Variants in GLP1R observed in about 807,000 individuals in gnomAD.
GLP1R encodes the protein glucagon like peptide 1 receptor, also known as glucagon-like peptide 1 receptor.
A neutral mutation model predicts 68.4 loss-of-function variants in GLP1R; 32 were observed. That is an observed-to-expected ratio of 0.47 (90% CI 0.35 to 0.63). The LOEUF (loss-of-function observed/expected upper bound fraction) is 0.63, where lower values mean the gene tolerates loss of function less well. GLP1R is among the 20% of genes least tolerant of loss of function. The pLI, the probability that GLP1R is intolerant of heterozygous loss-of-function variation, is 0.00. For missense variants in GLP1R, 502 were observed against 594.9 expected (o/e 0.84, Z 1.62); for synonymous variants, 263 against 244.4 (o/e 1.08, Z -0.71).
chr6:39,065,957 G>A (rs141072702), intron 4 of GLP1R, 128 bp downstream of exon 4: 2 of 662,600 alleles, frequency 3.0e-6, no homozygotes, highest in African/African-American at 1.8e-5. Context: ...GCCTCTGGGG[G>A]CTTTGCACAC....
At chr6:39,085,517 G>A (rs1180303101) in intron 12 of GLP1R, among the ~76,000 whole-genome samples, 4 of 152,208 alleles carry the variant, frequency 2.6e-5, no homozygotes, top group Admixed American at 6.5e-5. Flanking sequence ...AAGCATCCAA[G>A]CTGAAACTGG....
chr6:39,066,086 C>T (rs76911398), intron 4 of GLP1R, 111 bp from the exon 5 acceptor site: 80 of 643,922 alleles, frequency 1.2e-4, no homozygotes, highest in East Asian at 1.2e-3. Flanking sequence ...TTGGTATCCC[C>T]GGTGAGTCCT....
intron 2 of GLP1R, 116 bp downstream of exon 2, chr6:39,056,609 C>G: frequency 1.7e-6 from 1 of 601,890 alleles, no homozygotes; most frequent in Non-Finnish European, 3.1e-6. Context: ...GATGCCACCC[C>G]TGCCCTCTGC....
chr6:39,087,619 A>G lies in GLP1R; in HGVS notation c.*1546A>G. 6.6e-6 allele frequency: 1 copy of G among 152,154 alleles called. No individual in the cohort carries two copies. Among genetic ancestry groups the G allele is most frequent in the East Asian group, 1.9e-4 (1 of 5,196 alleles). The allele number at this position is 152,154 out of a possible 1,614,324, so 9.4% of individuals were successfully genotyped here. On this transcript the variant is annotated 3_prime_UTR_variant, in exon 13 of 13. Transcript: ENST00000373256. ...GAGTCAGTCTCTCTCTCCCTTTTAA[A>G]TGGTGGGAACCCTCCCCAAAACCTT...
In GLP1R at chr6:39,057,449, G is replaced by C. The variant is rs1251945095; in HGVS notation, c.176-23G>C. ...ATGGCCAGTCACAAGCAGGGACTCA[G>C]AGACTGTTCTTTCTGCTCCCAGACT... On this transcript the variant is annotated intron_variant, in intron 2 of 12. Coordinates refer to ENST00000373256, the MANE Select transcript of GLP1R (RefSeq NM_002062.5). 3 of 1,508,412 alleles carry C rather than the reference G, an allele frequency of 2.0e-6. No homozygotes were observed. In the African/African-American group the frequency reaches 4.1e-5, roughly 21 times the overall value. 93.4% of individuals were successfully genotyped at this position (1,508,412 alleles called of 1,614,324 possible).
rs981744221 is a variant in GLP1R at position 39,057,370 on chromosome 6, T to C, written c.176-102T>C. 1.8e-5 allele frequency: 13 copies of C among 733,880 alleles called. No homozygotes were observed. In the African/African-American group the frequency reaches 2.1e-4, roughly 12 times the overall value. 45.5% of individuals were successfully genotyped at this position (733,880 alleles called of 1,614,324 possible). A position where few individuals can be genotyped will look rare whatever the true frequency, so the allele number is the denominator to read the frequency against. On this transcript the variant is annotated intron_variant, in intron 2 of 12. Transcript: ENST00000373256. ...ACAGTAAGCATTCAGCAGAGGTTAGTGGCATGCAGCCTCCGAGGAGGGGAG... is the reference window on the plus strand; with the variant it reads ...ACAGTAAGCATTCAGCAGAGGTTAGCGGCATGCAGCCTCCGAGGAGGGGAG...
At chr6:39,062,732 C>T (rs772797276) in intron 3 of GLP1R, among the ~76,000 whole-genome samples, 15 of 152,212 alleles carry the variant, frequency 9.9e-5, no homozygotes, top group South Asian at 2.1e-4. Flanking sequence ...TTGGGACCTC[C>T]GGAGGCAAAG....
At chr6:39,078,814 G>T in intron 8 of GLP1R, 143 bp from the exon 9 acceptor site, 2 of 726,728 alleles carry the variant, frequency 2.8e-6, no homozygotes, top group South Asian at 3.2e-5. Context: ...TGGGTCCATG[G>T]GACTGGTTTT....
chr6:39,066,795 T>A (rs917184305), intron 5 of GLP1R, among the ~76,000 whole-genome samples: 13 of 152,066 alleles, frequency 8.5e-5, no homozygotes, highest in Non-Finnish European at 1.3e-4. Flanking sequence ...GAGTACCAGG[T>A]TCTTCCCACT....
Position 39,072,883 on chromosome 6 carries a change from C to T in GLP1R, c.531C>T (p.Asn177=). Residue 177 remains asparagine, a synonymous_variant, in exon 6 of 13, where the codon AAC becomes AAT. Coordinates refer to ENST00000373256, the MANE Select transcript of GLP1R (RefSeq NM_002062.5). The part of the protein sequence containing the change: ...LGFRHLHCTR[N]YIHLNLFASF... ...TCAGACACCTGCACTGCACCAGGAACTACATCCACCTGAACCTGTTTGCAT... is the reference window on the plus strand; with the variant it reads ...TCAGACACCTGCACTGCACCAGGAATTACATCCACCTGAACCTGTTTGCAT... 6.2e-7 allele frequency: 1 copy of T among 1,614,142 alleles called. No individual in the cohort carries two copies. The highest frequency in any genetic ancestry group is 8.5e-7 in the Non-Finnish European group (1 of 1,179,972).
intron 7 of GLP1R, among the ~76,000 whole-genome samples, chr6:39,074,824 C>T (rs896229572): frequency 1.3e-5 from 2 of 152,200 alleles, no homozygotes; most frequent in African/African-American, 2.4e-5. Context: ...AGGAAGCTGC[C>T]TCAGGCCACC....
chr6:39,073,515 A>G (rs920934114), intron 6 of GLP1R, 95 bp from the exon 7 acceptor site: 5 of 1,075,168 alleles, frequency 4.7e-6, no homozygotes, highest in Non-Finnish European at 7.0e-6. Context: ...TGCATTAACC[A>G]TGGCAGGATA....
chr6:39,067,374 G>A (rs762314470), intron 5 of GLP1R, among the ~76,000 whole-genome samples: 2 of 152,232 alleles, frequency 1.3e-5, no homozygotes, highest in Non-Finnish European at 2.9e-5. Flanking sequence ...TCTGAAGGCT[G>A]TGAAGTCCAA....
intron 7 of GLP1R, among the ~76,000 whole-genome samples, chr6:39,077,335 C>T (rs1034474710): frequency 6.6e-6 from 1 of 152,192 alleles, no homozygotes; most frequent in African/African-American, 2.4e-5. Flanking sequence ...GCTGTCATCT[C>T]AAGGCTTAAC....
intron 12 of GLP1R, among the ~76,000 whole-genome samples, chr6:39,083,800 G>A (rs1314499836): frequency 1.3e-5 from 2 of 152,184 alleles, no homozygotes; most frequent in African/African-American, 4.8e-5. Context: ...ATCCGATGGT[G>A]GAGGAGGAAG....
rs1034202463 is a variant in GLP1R, at chr6:39,066,278, G to A, written c.484G>A (p.Ala162Thr). ...YALSFSALVI[A>T]SAILLGFRHL... ...ACTCTCCTTCTCTGCTCTGGTTATC[G>A]CCTCTGCGATCCTCCTCGGCTTCAG... Residue 162 changes from alanine to threonine, a missense_variant, in exon 5 of 13, where the codon GCC becomes ACC. By Grantham distance (58) the Ala-to-Thr change is moderately conservative (BLOSUM62 0). Transcript: ENST00000373256. The A allele has an allele frequency of 3.1e-6, 5 of 1,610,614 alleles. No homozygotes were observed. Among genetic ancestry groups the A allele is most frequent in the South Asian group, 1.1e-5 (1 of 91,018 alleles).
chr6:39,073,252 C>T (rs912116925), intron 6 of GLP1R, among the ~76,000 whole-genome samples: 7 of 152,324 alleles, frequency 4.6e-5, no homozygotes, highest in African/African-American at 1.7e-4. Flanking sequence ...CTAGGGAATT[C>T]TCAGTCTGAC....
At position 39,072,892 on chromosome 6, in the gene GLP1R, C is replaced by T; in HGVS notation, c.540C>T (p.His180=). Residue 180 remains histidine (H), a synonymous_variant, in exon 6 of 13, where the codon CAC becomes CAT. Transcript: ENST00000373256. ...TGCACTGCACCAGGAACTACATCCA[C>T]CTGAACCTGTTTGCATCCTTCATCC... ...RHLHCTRNYI[H]LNLFASFILR... The T allele has an allele frequency of 1.9e-6, 3 of 1,614,200 alleles. No individual in the cohort carries two copies. Among genetic ancestry groups the T allele is most frequent in the Non-Finnish European group, 2.5e-6 (3 of 1,179,998 alleles).
intron 3 of GLP1R, among the ~76,000 whole-genome samples, chr6:39,064,224 C>T (rs767736640): frequency 2.0e-5 from 3 of 151,940 alleles, no homozygotes; most frequent in African/African-American, 4.8e-5. Context: ...AGGCTGGTCT[C>T]GAACTCTTGA....
Sources: allele counts gnomAD v4.1 joint callset (sites outside exome capture counted in the v4.1 genomes callset), GRCh38; gene constraint gnomAD v4.1.1; transcripts MANE v1.5; gene names NCBI Gene and HGNC (gene_info 2026-07-23, HGNC 2026-07-21).